FARP2: variants seen among roughly 807,000 people sequenced by gnomAD.
The protein encoded by FARP2 is FERM, ARH/RhoGEF and pleckstrin domain protein 2.
Under a neutral mutation model 130.5 loss-of-function variants are expected in FARP2, and 111 were observed. That is an observed-to-expected ratio of 0.85 (90% CI 0.73 to 1.00). The LOEUF is 1.00. FARP2 is among the 50% of genes least tolerant of loss of function. The pLI is 0.00. For missense variants in FARP2, 1,385 were observed against 1,346.3 expected (o/e 1.03, Z -0.45); for synonymous variants, 504 against 516.9 (o/e 0.98, Z 0.34).
intron 13 of FARP2, among the ~76,000 whole-genome samples, chr2:241,455,011 T>A (rs933665114): frequency 1.3e-5 from 2 of 152,240 alleles, no homozygotes; most frequent in African/African-American, 4.8e-5. Flanking sequence ...GGTTAACCTG[T>A]TGAGTTGCTT....
intron 13 of FARP2, among the ~76,000 whole-genome samples, chr2:241,453,892 T>C (rs2063762751): frequency 6.9e-6 from 1 of 144,240 alleles, no homozygotes; most frequent in Non-Finnish European, 1.5e-5. Flanking sequence ...CAAGCAATTC[T>C]CCTGCCTCAG....
intron 7 of FARP2, among the ~76,000 whole-genome samples, chr2:241,417,166 G>T (rs556178643): frequency 6.6e-6 from 1 of 150,970 alleles, no homozygotes; most frequent in Non-Finnish European, 1.5e-5. Flanking sequence ...GCATGGTAGC[G>T]TGCACCTGTC....
chr2:241,419,030 G>T (rs1230763861), intron 8 of FARP2, among the ~76,000 whole-genome samples: 1 of 152,170 alleles, frequency 6.6e-6, no homozygotes, highest in Non-Finnish European at 1.5e-5. Context: ...TTGCCTGCAT[G>T]AGCTGCTGTT....
chr2:241,383,319 A>G (rs1559718020), intron 2 of FARP2, among the ~76,000 whole-genome samples: 4 of 152,198 alleles, frequency 2.6e-5, no homozygotes, highest in Admixed American at 2.0e-4. Flanking sequence ...GGAGCAGGAG[A>G]CATGGAGCTG....
intron 20 of FARP2, 86 bp downstream of exon 20, chr2:241,483,619 C>T: frequency 1.4e-6 from 2 of 1,426,324 alleles, no homozygotes; most frequent in South Asian, 2.3e-5. Context: ...CAGCGGCAGC[C>T]CATTGGCCTC....
At chr2:241,453,605 G>GCC (rs2063744217) in intron 13 of FARP2, among the ~76,000 whole-genome samples, 1 of 150,496 alleles carries the variant, frequency 6.6e-6, no homozygotes, top group Non-Finnish European at 1.5e-5. Flanking sequence ...CTGGGTGAAA[G>GCC]AGCGAGACTC....
chr2:241,432,729 C>T (rs969672705), intron 9 of FARP2, among the ~76,000 whole-genome samples: 1 of 152,024 alleles, frequency 6.6e-6, no homozygotes, highest in African/African-American at 2.4e-5. Flanking sequence ...TGGTAAAATC[C>T]AGTACTTCCA....
chr2:241,366,092 TAA>T (rs201202290), intron 1 of FARP2, among the ~76,000 whole-genome samples: 1,461 of 73,756 alleles, frequency 0.02, 51 homozygotes, highest in African/African-American at 0.039. Context: ...TCATCACTAC[TAA>T]AAAAAAAAAA....
At chr2:241,479,662 T>C (rs974500938) in intron 19 of FARP2, among the ~76,000 whole-genome samples, 1 of 152,258 alleles carries the variant, frequency 6.6e-6, no homozygotes, top group Non-Finnish European at 1.5e-5. Flanking sequence ...CCCCAGTGCT[T>C]ATACTCTGGA....
chr2:241,444,584 A>C (rs1349618892), intron 13 of FARP2: 1 of 152,216 alleles, frequency 6.6e-6, no homozygotes, highest in African/African-American at 2.4e-5. Flanking sequence ...GGTGAAGCTA[A>C]TGCTGTGGAA....
chr2:241,406,765 A>G (rs982980166), intron 4 of FARP2, among the ~76,000 whole-genome samples: 2 of 150,182 alleles, frequency 1.3e-5, no homozygotes, highest in African/African-American at 4.9e-5. Flanking sequence ...CACCCAGCCT[A>G]TTTAAATTTT....
At chr2:241,409,035 AGAT>A (rs369156124) in intron 5 of FARP2, among the ~76,000 whole-genome samples, 4 of 124,148 alleles carry the variant, frequency 3.2e-5, no homozygotes, top group East Asian at 4.7e-4. Context: ...ATAGATAGAT[AGAT>A]GATAGATAGA....
chr2:241,458,165 A>T (rs940871438), intron 14 of FARP2, among the ~76,000 whole-genome samples: 5 of 152,180 alleles, frequency 3.3e-5, no homozygotes, highest in Admixed American at 1.3e-4. Flanking sequence ...ATGGACCCTA[A>T]AAGAAAAGAC....
At chr2:241,455,937 C>T (rs1376840304) in intron 13 of FARP2, among the ~76,000 whole-genome samples, 1 of 151,900 alleles carries the variant, frequency 6.6e-6, no homozygotes, top group Non-Finnish European at 1.5e-5. Flanking sequence ...GATGGGGTTT[C>T]ACCGTGTTAG....
intron 8 of FARP2, among the ~76,000 whole-genome samples, chr2:241,420,256 A>G (rs1196249735): frequency 1.2e-4 from 19 of 152,258 alleles, no homozygotes; most frequent in Non-Finnish European, 2.8e-4. Flanking sequence ...TTATGTCCCA[A>G]TAATGAGACA....
chr2:241,407,728 AG>A (rs1242539912), intron 5 of FARP2, 113 bp downstream of exon 5: 1 of 762,532 alleles, frequency 1.3e-6, no homozygotes, highest in Non-Finnish European at 2.2e-6. Flanking sequence ...TACACAGAAA[AG>A]TGACCATGAG....
chr2:241,407,497 G>C, intron 4 of FARP2, 40 bp from the exon 5 acceptor site: 1 of 1,400,992 alleles, frequency 7.1e-7, no homozygotes, highest in African/African-American at 1.4e-5. Context: ...TAAATGCAAA[G>C]ATCGGCCTTA....
chr2:241,383,519 A>G (rs1292902578), intron 2 of FARP2, among the ~76,000 whole-genome samples: 2 of 152,154 alleles, frequency 1.3e-5, no homozygotes, highest in African/African-American at 4.8e-5. Context: ...TGGAGCAGAG[A>G]GGCATCTAGG....
At chr2:241,450,006 CAAA>C (rs1244240579) in intron 13 of FARP2, among the ~76,000 whole-genome samples, 1 of 115,150 alleles carries the variant, frequency 8.7e-6, no homozygotes, top group Non-Finnish European at 1.8e-5. Flanking sequence ...GACTCCATCT[CAAA>C]AAAAAAAAAA....
Sources: gnomAD v4.1 joint callset for allele counts (sites outside exome capture counted in the v4.1 genomes callset) on GRCh38, gnomAD v4.1.1 for gene constraint, MANE v1.5 for transcripts, NCBI Gene and HGNC (gene_info 2026-07-23, HGNC 2026-07-21) for gene names.